The following GATC variants were observed in gnomAD, a reference collection of about 807,000 sequenced individuals.
The protein encoded by GATC is glutamyl-tRNA amidotransferase subunit C.
GATC carries 11 observed loss-of-function variants against 14.4 expected under a neutral mutation model. That is an observed-to-expected ratio of 0.77 (90% CI 0.48 to 1.27). GATC has a LOEUF of 1.27. GATC is among the 50% of genes most tolerant of loss of function. The pLI is 0.00. For synonymous variants in GATC, 76 were observed against 79.3 expected (o/e 0.96, Z 0.22); for missense variants, 204 against 183.0 (o/e 1.11, Z -0.66).
chr12:120,446,916 G>A (rs746175639), intron 2 of GATC, 87 bp downstream of exon 2: 3 of 1,336,072 alleles, frequency 2.2e-6, no homozygotes, highest in African/African-American at 2.9e-5. Flanking sequence ...TTTTCCAGGG[G>A]GTTAAAGAGT....
chr12:120,455,271 C>G (rs952198833), intron 2 of GATC, among the ~76,000 whole-genome samples: 2 of 151,474 alleles, frequency 1.3e-5, no homozygotes, highest in African/African-American at 4.9e-5. Context: ...TGGGTTCAGG[C>G]GATTCTCCCG....
chr12:120,455,843 G>A (rs1332698131), intron 2 of GATC, among the ~76,000 whole-genome samples: 2 of 152,002 alleles, frequency 1.3e-5, no homozygotes, highest in South Asian at 2.1e-4. Flanking sequence ...CCACCACCAC[G>A]CCCGGCTAAT....
intron 2 of GATC, among the ~76,000 whole-genome samples, chr12:120,456,742 AG>A (rs1199404006): frequency 6.6e-6 from 1 of 152,196 alleles, no homozygotes; most frequent in Non-Finnish European, 1.5e-5. Flanking sequence ...ATCCTTTGGC[AG>A]GCTGTACTAA....
rs370075473 is a variant in GATC, at chr12:120,454,490, C to T, written c.255-2586C>T. 5.9e-5 allele frequency among the ~76,000 whole-genome samples: 9 copies of T among 151,920 alleles called. No homozygotes were observed. In the East Asian group the frequency reaches 1.5e-3, roughly 26 times the overall value. ...GGCTGGAGTGCAGTAGCATGATATC[C>T]GCTCACTGCAAGCTCCACCTCCAGG... On this transcript the variant is annotated intron_variant, in intron 2 of 3. Transcript: ENST00000551765.
rs1203619485 is a variant in GATC at position 120,462,536 on chromosome 12, A to C, written c.*2577A>C. ...ATATAGTTTAATCCCCTGCCACCTC[A>C]TGTATGCATCTTTGGATGGGCATCT... On this transcript the variant is annotated 3_prime_UTR_variant, in exon 4 of 4. Coordinates refer to ENST00000551765, the MANE Select transcript of GATC (RefSeq NM_176818.3). 1 of 168,194 alleles carries C rather than the reference A, an allele frequency of 5.9e-6. No homozygotes were observed. Among genetic ancestry groups the C allele is most frequent in the East Asian group, 1.8e-4 (1 of 5,596 alleles). The allele number at this position is 168,194 out of a possible 1,614,324, so 10.4% of individuals were successfully genotyped here. A position where few individuals can be genotyped will look rare whatever the true frequency, so the allele number is the denominator to read the frequency against.
intron 2 of GATC, among the ~76,000 whole-genome samples, chr12:120,454,278 C>T (rs1878122213): frequency 6.6e-6 from 1 of 152,194 alleles, no homozygotes; most frequent in Non-Finnish European, 1.5e-5. Context: ...GCTGGCTCAG[C>T]ATTATCAGAT....
At chr12:120,449,011 G>A (rs893418982) in intron 2 of GATC, among the ~76,000 whole-genome samples, 4 of 149,846 alleles carry the variant, frequency 2.7e-5, no homozygotes, top group African/African-American at 9.8e-5. Context: ...CGCTGAGGCT[G>A]GAGTGCAGTG....
At chr12:120,456,229 A>G (rs777587174) in intron 2 of GATC, among the ~76,000 whole-genome samples, 3 of 152,180 alleles carry the variant, frequency 2.0e-5, no homozygotes, top group Non-Finnish European at 2.9e-5. Flanking sequence ...GCCTCATGCA[A>G]ATGTTCAAGC....
At chr12:120,457,723 A>T (rs111389363) in intron 3 of GATC, among the ~76,000 whole-genome samples, 1,745 of 149,370 alleles carry the variant, frequency 0.012, 15 homozygotes, top group Non-Finnish European at 0.016. Flanking sequence ...TCTCCTGCTC[A>T]GGCTCCCCAG....
At chr12:120,454,073 T>C (rs1878117277) in intron 2 of GATC, among the ~76,000 whole-genome samples, 1 of 152,216 alleles carries the variant, frequency 6.6e-6, no homozygotes, top group Non-Finnish European at 1.5e-5. Context: ...AGATCTACTC[T>C]TGGGGAAGCA....
rs1878366574 is a variant in GATC at position 120,462,249 on chromosome 12, T to G, written c.*2290T>G. On this transcript the variant is annotated 3_prime_UTR_variant, in exon 4 of 4. Coordinates refer to ENST00000551765, the MANE Select transcript of GATC (RefSeq NM_176818.3). The stretch of plus-strand genomic sequence containing the variant: ...CAAACCAACATCTAACAATAATAGT[T>G]AAGTATTGAGCACTTACTGTGTACT... 2.1e-6 allele frequency: 3 copies of G among 1,423,464 alleles called. No individual in the cohort carries two copies. In the South Asian group the frequency reaches 4.0e-5, roughly 19 times the overall value. 88.2% of individuals were successfully genotyped at this position (1,423,464 alleles called of 1,614,324 possible).
At position 120,459,993 on chromosome 12, in the gene GATC, C is replaced by T. The variant is rs762252961; in HGVS notation, c.*34C>T. On this transcript the variant is annotated 3_prime_UTR_variant, in exon 4 of 4. Coordinates refer to ENST00000551765, the MANE Select transcript of GATC (RefSeq NM_176818.3). ...TTCTGGAAAGGGGGTACTCTGTGAA[C>T]ATGTGGAAGCATAATGACAGTATTT... 4 of 1,516,098 alleles carry T rather than the reference C, an allele frequency of 2.6e-6. No individual in the cohort carries two copies. The highest frequency in any genetic ancestry group is 1.1e-5 in the South Asian group (1 of 88,432). 93.9% of individuals were successfully genotyped at this position (1,516,098 alleles called of 1,614,324 possible).
chr12:120,458,098 ATT>A (rs11434555), intron 3 of GATC, among the ~76,000 whole-genome samples: 15 of 136,730 alleles, frequency 1.1e-4, no homozygotes, highest in African/African-American at 1.9e-4. Context: ...TATTTCTTAA[ATT>A]TTTTTTTTTT....
rs1565911851 is a variant in GATC, at chr12:120,446,675, G to A, written c.100G>A (p.Ala34Thr). The change falls in exon 2 of 4, where the codon GCT (alanine) becomes ACT (threonine). Residue 34 changes from alanine to threonine, a missense_variant. Coordinates refer to ENST00000551765, the MANE Select transcript of GATC (RefSeq NM_176818.3). ...ADPQGSGRIT[A>T]AVIEHLERLA... Reference sequence around the variant, plus strand: ...CCTCCAGGGCAGTGGCCGGATCACGGCTGCGGTGATCGAGCACCTGGAGCG... The same window carrying A: ...CCTCCAGGGCAGTGGCCGGATCACGACTGCGGTGATCGAGCACCTGGAGCG... 1 of 1,612,794 alleles carries A rather than the reference G, an allele frequency of 6.2e-7. No homozygotes were observed.
intron 2 of GATC, among the ~76,000 whole-genome samples, chr12:120,452,638 G>T (rs1160232791): frequency 6.7e-6 from 1 of 150,288 alleles, no homozygotes; most frequent in Non-Finnish European, 1.5e-5. Flanking sequence ...CTGGGCTCAA[G>T]TGATCCTCCT....
In GATC at chr12:120,462,425, A is replaced by G; in HGVS notation, c.*2466A>G. On this transcript the variant is annotated 3_prime_UTR_variant, in exon 4 of 4. Coordinates refer to ENST00000551765, the MANE Select transcript of GATC (RefSeq NM_176818.3). ...ATAAATGCCAATTTGACATGTTGAT[A>G]CTCAATTAACTATGATAAACAATAT... 1 of 330,890 alleles carries G rather than the reference A, an allele frequency of 3.0e-6. No individual in the cohort carries two copies. The highest frequency in any genetic ancestry group is 5.6e-6 in the Non-Finnish European group (1 of 179,722). The allele number at this position is 330,890 out of a possible 1,614,324, so 20.5% of individuals were successfully genotyped here.
chr12:120,451,872 A>ATTTTTTTTTTTTT (rs1555219520), intron 2 of GATC, among the ~76,000 whole-genome samples: 53 of 88,098 alleles, frequency 6.0e-4, no homozygotes, highest in Non-Finnish European at 9.6e-4. Flanking sequence ...AATTATATAA[A>ATTTTTTTTTTTTT]TTCTTTTTTT....
chr12:120,446,780 G>A lies in GATC; in HGVS notation c.205G>A (p.Ala69Thr). 1 of 1,613,924 alleles carries A rather than the reference G, an allele frequency of 6.2e-7. No individual in the cohort carries two copies. The highest frequency in any genetic ancestry group is 8.5e-7 in the Non-Finnish European group (1 of 1,180,010). ...KAIAFADRLRAVDTDGVEPME... is the reference protein window; with the variant it reads ...KAIAFADRLRTVDTDGVEPME... ...TATCGCCTTCGCCGACCGGCTACGC[G>A]CCGTGGACACAGACGGGGTGGAGCC... The change falls in exon 2 of 4, where the codon GCC (alanine) becomes ACC (threonine). Residue 69 changes from alanine to threonine, a missense_variant. Transcript: ENST00000551765.
At chr12:120,452,971 T>G (rs1337908188) in intron 2 of GATC, among the ~76,000 whole-genome samples, 1 of 152,164 alleles carries the variant, frequency 6.6e-6, no homozygotes, top group Non-Finnish European at 1.5e-5. Context: ...GTTGGGAATA[T>G]AGATGTGAGC....
Sources: allele counts gnomAD v4.1 joint callset (sites outside exome capture counted in the v4.1 genomes callset), GRCh38; gene constraint gnomAD v4.1.1; transcripts MANE v1.5; gene names NCBI Gene and HGNC (gene_info 2026-07-23, HGNC 2026-07-21).